The following SRPK1 variants were observed in gnomAD, a reference collection of about 807,000 sequenced individuals.
The protein encoded by SRPK1 is SRSF protein kinase 1.
SRPK1 carries 52 observed loss-of-function variants against 89.5 expected under a neutral mutation model. That is an observed-to-expected ratio of 0.58 (90% CI 0.46 to 0.73). The LOEUF is 0.73. SRPK1 is among the 30% of genes least tolerant of loss of function. The pLI is 0.00. For missense variants in SRPK1, 603 were observed against 780.6 expected (o/e 0.77, Z 2.71); for synonymous variants, 255 against 270.2 (o/e 0.94, Z 0.55).
chr6:35,915,211 G>C (rs778904005), intron 2 of SRPK1, among the ~76,000 whole-genome samples: 1 of 151,992 alleles, frequency 6.6e-6, no homozygotes, highest in Non-Finnish European at 1.5e-5. Flanking sequence ...AGACCATCTC[G>C]GCTAACACAG....
At chr6:35,878,494 G>C (rs147294355) in intron 6 of SRPK1, among the ~76,000 whole-genome samples, 1 of 152,098 alleles carries the variant, frequency 6.6e-6, no homozygotes, top group South Asian at 2.1e-4. Context: ...ACAACTTCCC[G>C]AAGAAGAGGC....
intron 2 of SRPK1, chr6:35,920,117 A>G (rs1012383166): frequency 1.0e-5 from 5 of 477,876 alleles, no homozygotes; most frequent in East Asian, 6.2e-5. Context: ...AAGAGAGACC[A>G]GAGTTCAGAA....
At chr6:35,875,641 T>C (rs1332586160) in intron 6 of SRPK1, among the ~76,000 whole-genome samples, 5 of 152,110 alleles carry the variant, frequency 3.3e-5, no homozygotes, top group African/African-American at 1.2e-4. Flanking sequence ...GAAAGCCAAA[T>C]AATAAATACA....
At chr6:35,873,615 G>A (rs184382679) in intron 7 of SRPK1, among the ~76,000 whole-genome samples, 7 of 151,348 alleles carry the variant, frequency 4.6e-5, no homozygotes, top group Admixed American at 1.3e-4. Flanking sequence ...TCAGCCTGCC[G>A]AGTAGCTGGG....
chr6:35,900,319 C>T (rs907564106), intron 2 of SRPK1, among the ~76,000 whole-genome samples: 1 of 152,136 alleles, frequency 6.6e-6, no homozygotes, highest in Non-Finnish European at 1.5e-5. Context: ...TAATACAGTG[C>T]CTGAACATAA....
intron 13 of SRPK1, among the ~76,000 whole-genome samples, chr6:35,854,117 A>G (rs1170523514): frequency 1.3e-5 from 2 of 151,902 alleles, no homozygotes; most frequent in African/African-American, 4.8e-5. Context: ...TGGCCAGCTA[A>G]TTTTTGTATT....
chr6:35,919,900 G>T (rs1771190590), intron 2 of SRPK1, among the ~76,000 whole-genome samples: 1 of 152,194 alleles, frequency 6.6e-6, no homozygotes, highest in African/African-American at 2.4e-5. Context: ...TGTATACACA[G>T]CGGTCTGCCG....
At chr6:35,849,990 T>C (rs1415364840) in intron 13 of SRPK1, among the ~76,000 whole-genome samples, 3 of 152,160 alleles carry the variant, frequency 2.0e-5, no homozygotes, top group Non-Finnish European at 2.9e-5. Context: ...CTCTCACTTA[T>C]ATGTGAAATC....
chr6:35,873,410 A>T (rs1030114297), intron 7 of SRPK1, among the ~76,000 whole-genome samples: 1 of 152,216 alleles, frequency 6.6e-6, no homozygotes, highest in African/African-American at 2.4e-5. Context: ...CTGGGGGAAA[A>T]TGGTTATGCT....
chr6:35,915,997 T>TATATACAC lies in SRPK1; in HGVS notation c.74+4470_74+4471insGTGTATAT, dbSNP rs1284737691. ...AAAAACAAAAAAAAAAAAAAATATA[T>TATATACAC]ACACACACACACACACACACACACA... On this transcript the variant is annotated intron_variant, in intron 2 of 15. Transcript: ENST00000373825. Among the ~76,000 whole-genome samples, 20 of 90,198 alleles carry TATATACAC rather than the reference T, an allele frequency of 2.2e-4. 1 individual carries two copies. Among genetic ancestry groups the TATATACAC allele is most frequent in the Non-Finnish European group, 3.0e-4 (15 of 50,738 alleles). The allele number at this position is 90,198 out of a possible 152,430, so 59.2% of individuals were successfully genotyped here.
intron 6 of SRPK1, among the ~76,000 whole-genome samples, chr6:35,878,665 T>C (rs1310339743): frequency 2.0e-5 from 3 of 152,224 alleles, no homozygotes; most frequent in African/African-American, 4.8e-5. Context: ...GTGGCCATTT[T>C]TGTAACCCCC....
chr6:35,870,318 T>C lies in SRPK1; in HGVS notation c.954A>G (p.Lys318=). The change falls in exon 10 of 16, where the codon AAA becomes AAG. Residue 318 remains lysine (K), a synonymous_variant. Transcript: ENST00000373825. ...GGGTCATTTTATTAGGTGGGTTCTC[T>C]TTCAAGGGTCTTTCAACAGGACTCT... ...ESESPVERPL[K]ENPPNKMTQE... The C allele has an allele frequency of 1.2e-6, 2 of 1,613,758 alleles. No homozygotes were observed. Among genetic ancestry groups the C allele is most frequent in the Non-Finnish European group, 1.7e-6 (2 of 1,179,792 alleles).
At chr6:35,847,181 G>A (rs924028979) in intron 13 of SRPK1, among the ~76,000 whole-genome samples, 1 of 152,210 alleles carries the variant, frequency 6.6e-6, no homozygotes, top group African/African-American at 2.4e-5. Context: ...AGAAAAGAAA[G>A]AAGTACAAAT....
intron 12 of SRPK1, among the ~76,000 whole-genome samples, chr6:35,857,595 T>C (rs1448713666): frequency 5.3e-5 from 8 of 152,324 alleles, no homozygotes; most frequent in Non-Finnish European, 7.3e-5. Context: ...CTAAACTTAA[T>C]ATACACAGGT....
chr6:35,864,838 TAA>T (rs1769859736), intron 12 of SRPK1, among the ~76,000 whole-genome samples: 1 of 152,164 alleles, frequency 6.6e-6, no homozygotes, highest in Admixed American at 6.5e-5. Flanking sequence ...ATATACACAA[TAA>T]AGTGCTATTC....
At chr6:35,850,581 A>G (rs1246396876) in intron 13 of SRPK1, among the ~76,000 whole-genome samples, 1 of 152,222 alleles carries the variant, frequency 6.6e-6, no homozygotes, top group Non-Finnish European at 1.5e-5. Flanking sequence ...CAGTCTTAAC[A>G]CAGCTGTAAA....
At chr6:35,838,455 G>A (rs569991951) in intron 14 of SRPK1, 26 bp from the exon 15 acceptor site, 33 of 1,544,250 alleles carry the variant, frequency 2.1e-5, no homozygotes, top group Admixed American at 9.3e-5. Context: ...ATTTCAAGAG[G>A]GGGGAAAAAA....
In SRPK1 at chr6:35,912,228, G is replaced by A. The variant is rs142020433; in HGVS notation, c.74+8240C>T. On this transcript the variant is annotated intron_variant, in intron 2 of 15. Transcript: ENST00000373825. ...GAGCTGGGCATGGTGGCATGTGCCT[G>A]TAATCCTAGCTACTTGGGAGACTGA... Among the ~76,000 whole-genome samples the A allele has an allele frequency of 7.3e-3, 1,116 of 152,236 alleles. 16 individuals are homozygous for A. Among genetic ancestry groups the A allele is most frequent in the African/African-American group, 0.024 (991 of 41,532 alleles).
rs145123032 is a variant in SRPK1, at chr6:35,853,263, C to T, written c.1620+3998G>A. Among the ~76,000 whole-genome samples, 258 of 151,764 alleles carry T rather than the reference C, an allele frequency of 1.7e-3. 6 individuals carry two copies. In the South Asian group the frequency reaches 0.026, roughly 15 times the overall value. ...TCCAGCCTGGGCAACAGAGCAAGACCCCATCCCTAAAAAACAAAATGAAAC... is the reference window on the plus strand; with the variant it reads ...TCCAGCCTGGGCAACAGAGCAAGACTCCATCCCTAAAAAACAAAATGAAAC... On this transcript the variant is annotated intron_variant, in intron 13 of 15. Transcript: ENST00000373825.
Sources: gnomAD v4.1 joint callset for allele counts (sites outside exome capture counted in the v4.1 genomes callset) on GRCh38, gnomAD v4.1.1 for gene constraint, MANE v1.5 for transcripts, NCBI Gene and HGNC (gene_info 2026-07-23, HGNC 2026-07-21) for gene names.